The following ATP2B3 variants were observed in gnomAD, a reference collection of about 807,000 sequenced individuals.
ATP2B3 encodes plasma membrane calcium-transporting ATPase 3.
In ATP2B3, 12 loss-of-function variants were observed where a neutral mutation model predicts 70.8. That is an observed-to-expected ratio of 0.17 (90% confidence interval 0.11 to 0.27). The LOEUF (loss-of-function observed/expected upper bound fraction) is 0.27. ATP2B3 is among the 10% of genes least tolerant of loss of function. The probability of loss-of-function intolerance (pLI) is 1.00; values close to 1 mark genes in which losing one functional copy is unlikely to be tolerated. For missense variants in ATP2B3, 858 were observed against 1,118.5 expected (o/e 0.77, Z 3.32); for synonymous variants, 460 against 497.8 (o/e 0.92, Z 1.01).
chrX:153,547,186 G>C (rs2090381214), intron 8 of ATP2B3, among the ~76,000 whole-genome samples: 1 of 111,121 alleles, frequency 9.0e-6, no homozygotes, highest in Admixed American at 9.5e-5. Context: ...GCTTGGCAGG[G>C]AGGGAGATGA....
chrX:153,581,151 C>T lies in ATP2B3; in HGVS notation c.*853C>T, dbSNP rs1295858422. 9.3e-6 allele frequency: 1 copy of T among 108,059 alleles called. No individual in the cohort carries two copies. The highest frequency in any genetic ancestry group is 1.9e-5 in the Non-Finnish European group (1 of 52,180). The allele number at this position is 108,059 out of a possible 1,213,427, so 8.9% of individuals were successfully genotyped here. On this transcript the variant is annotated 3_prime_UTR_variant, in exon 22 of 22. Transcript: ENST00000263519. ...TTCTGGTCAACCCATTTTTGTCCCT[C>T]ATCACCCCGCCCCCACCTTTCGCTC...
chrX:153,532,879 C>G (rs1303002701), intron 2 of ATP2B3: 2 of 112,009 alleles, frequency 1.8e-5, no homozygotes, highest in Admixed American at 1.9e-4. Flanking sequence ...GAGGCCACCG[C>G]CCAGGCTTAT....
intron 21 of ATP2B3, among the ~76,000 whole-genome samples, chrX:153,568,870 C>A (rs999753025): frequency 8.9e-6 from 1 of 112,679 alleles, no homozygotes; most frequent in East Asian, 2.8e-4. Flanking sequence ...CGCACACTGG[C>A]TTTGCTGTTC....
At chrX:153,519,007 G>A (rs1464758414) in intron 2 of ATP2B3, among the ~76,000 whole-genome samples, 2 of 111,303 alleles carry the variant, frequency 1.8e-5, no homozygotes, top group African/African-American at 6.6e-5. Flanking sequence ...CACCAGTCTG[G>A]CAGGCACCCC....
intron 2 of ATP2B3, among the ~76,000 whole-genome samples, chrX:153,527,908 T>G (rs2090058905): frequency 8.9e-6 from 1 of 112,599 alleles, no homozygotes; most frequent in Admixed American, 9.3e-5. Flanking sequence ...CCTGGAGATC[T>G]CCTGGGCTTG....
At chrX:153,570,020 T>G (rs1187294604) in intron 21 of ATP2B3, 2 of 404,699 alleles carry the variant, frequency 4.9e-6, no homozygotes, top group African/African-American at 5.0e-5. Flanking sequence ...TTAGTGCTCC[T>G]TGTGCCATTG....
chrX:153,574,127 T>C (rs1408983982), intron 21 of ATP2B3, among the ~76,000 whole-genome samples: 3 of 112,939 alleles, frequency 2.7e-5, no homozygotes, highest in Admixed American at 9.3e-5. Context: ...TTCTCCTCAG[T>C]GTTCAGGCTA....
At chrX:153,528,167 C>T (rs1304465253) in intron 2 of ATP2B3, among the ~76,000 whole-genome samples, 2 of 112,941 alleles carry the variant, frequency 1.8e-5, no homozygotes, top group African/African-American at 6.4e-5. Flanking sequence ...TAATCACTTG[C>T]TCGTTGCTTT....
intron 17 of ATP2B3, 24 bp downstream of exon 17, chrX:153,558,327 C>T (rs782594450): frequency 8.5e-7 from 1 of 1,182,550 alleles, no homozygotes; most frequent in South Asian, 1.9e-5. Flanking sequence ...GCTGCCATGC[C>T]CCAGCTAGGA....
chrX:153,575,484 T>G, intron 21 of ATP2B3, among the ~76,000 whole-genome samples: 1 of 109,251 alleles, frequency 9.2e-6, no homozygotes, highest in Admixed American at 9.6e-5. Flanking sequence ...GAGGGCAGAG[T>G]GAGAAAGACT....
intron 21 of ATP2B3, among the ~76,000 whole-genome samples, chrX:153,577,396 A>C (rs1250686811): frequency 8.9e-6 from 1 of 111,948 alleles, no homozygotes; most frequent in Non-Finnish European, 1.9e-5. Context: ...CCACCAGCTC[A>C]GCGAGATCTC....
chrX:153,558,366 T>A, intron 17 of ATP2B3, 63 bp downstream of exon 17: 1 of 1,031,338 alleles, frequency 9.7e-7, no homozygotes, highest in Non-Finnish European at 1.3e-6. Flanking sequence ...AGGGCCAGAT[T>A]GTGAGAGTGA....
At chrX:153,538,383 T>C (rs1258212197) in intron 3 of ATP2B3, among the ~76,000 whole-genome samples, 3 of 113,050 alleles carry the variant, frequency 2.7e-5, no homozygotes, top group Non-Finnish European at 5.6e-5. Context: ...AAGGGGACTT[T>C]ATCTTCTGGC....
chrX:153,520,364 C>A (rs782234538), intron 2 of ATP2B3, among the ~76,000 whole-genome samples: 1 of 112,477 alleles, frequency 8.9e-6, no homozygotes, highest in East Asian at 2.8e-4. Context: ...CAGAGCCAGG[C>A]AGAGCTTCTT....
At chrX:153,529,050 C>T (rs2090075207) in intron 2 of ATP2B3, among the ~76,000 whole-genome samples, 1 of 112,627 alleles carries the variant, frequency 8.9e-6, no homozygotes, top group Non-Finnish European at 1.9e-5. Context: ...TCTGCGGATT[C>T]ATTAACACCT....
Position 153,580,520 on chromosome X carries a change from G to A in ATP2B3, c.*222G>A. 2.8e-6 allele frequency: 1 copy of A among 359,433 alleles called. No individual in the cohort carries two copies. Among genetic ancestry groups the A allele is most frequent in the Non-Finnish European group, 4.8e-6 (1 of 208,266 alleles). The allele number at this position is 359,433 out of a possible 1,213,427, so 29.6% of individuals were successfully genotyped here. A position where few individuals can be genotyped will look rare whatever the true frequency, so the allele number is the denominator to read the frequency against. ...TCCTCATCCGGACTGAGGAAGACGA[G>A]GACAGGGAGGAGGAAAAGGAGGAAG... On this transcript the variant is annotated 3_prime_UTR_variant, in exon 22 of 22. Coordinates refer to ENST00000263519, the MANE Select transcript of ATP2B3 (RefSeq NM_001001344.3).
At chrX:153,561,033 C>T (rs1483259488) in intron 19 of ATP2B3, 146 bp downstream of exon 19, 12 of 636,468 alleles carry the variant, frequency 1.9e-5, no homozygotes, top group Non-Finnish European at 2.6e-5. Flanking sequence ...TCCTGTAGCC[C>T]CCGTCCTCTC....
Position 153,541,360 on chromosome X carries a change from C to T in ATP2B3, c.210C>T (p.Gly70=), listed in dbSNP as rs982756375. The T allele has an allele frequency of 2.5e-6, 3 of 1,211,929 alleles. No homozygotes were observed. Among genetic ancestry groups the T allele is most frequent in the Non-Finnish European group, 3.3e-6 (3 of 895,558 alleles). Residue 70 remains glycine (G), a splice_region_variant and synonymous_variant, in exon 4 of 22, where the codon GGC becomes GGT. Coordinates refer to ENST00000263519, the MANE Select transcript of ATP2B3 (RefSeq NM_001001344.3). ...CRRLKTSPTE[G]LADNTNDLEK... ...CTGTGCTTCCGGGGCACCATGCAGG[C>T]CTGGCGGACAACACCAATGACCTGG...
At chrX:153,524,260 A>G (rs782069755) in intron 2 of ATP2B3, among the ~76,000 whole-genome samples, 3 of 105,879 alleles carry the variant, frequency 2.8e-5, no homozygotes, top group South Asian at 4.1e-4. Context: ...GTGTGTGTGT[A>G]TTGGGGTGGT....
Sources: gnomAD v4.1 joint callset for allele counts (sites outside exome capture counted in the v4.1 genomes callset) on GRCh38, gnomAD v4.1.1 for gene constraint, MANE v1.5 for transcripts, NCBI Gene and HGNC (gene_info 2026-07-23, HGNC 2026-07-21) for gene names.